The following CSMD1 variants were observed in gnomAD, a reference collection of about 807,000 sequenced individuals.
CSMD1 encodes the protein CUB and sushi domain-containing protein 1.
In CSMD1, 213 loss-of-function variants were observed where a neutral mutation model predicts 417.5. The observed-to-expected ratio is 0.51, with a 90% CI of 0.46 to 0.57. The LOEUF (loss-of-function observed/expected upper bound fraction) is 0.57, where lower values mean the gene tolerates loss of function less well. Ranked by LOEUF, CSMD1 falls within the 20% of genes least tolerant of loss-of-function variation. The pLI is 0.00. For synonymous variants in CSMD1, 2,862 were observed against 1,736.8 expected (o/e 1.65, Z -16.11); for missense variants, 6,923 against 4,529.7 (o/e 1.53, Z -15.17).
chr8:4,522,112 G>T (rs1056934192), intron 2 of CSMD1, among the ~76,000 whole-genome samples: 3 of 152,162 alleles, frequency 2.0e-5, no homozygotes, highest in African/African-American at 4.8e-5. Flanking sequence ...TGTGGGAGGA[G>T]CCTGGGGGGA....
intron 20 of CSMD1, among the ~76,000 whole-genome samples, chr8:3,365,385 T>C (rs1431638642): frequency 2.6e-5 from 4 of 152,182 alleles, no homozygotes; most frequent in Admixed American, 2.0e-4. Flanking sequence ...AAGAAATATT[T>C]TCCTTGAAGA....
rs946731266 is a variant in CSMD1, at chr8:4,842,884, T to A, written c.85+151448A>T. 2.0e-5 allele frequency among the ~76,000 whole-genome samples: 3 copies of A among 152,144 alleles called. No homozygotes were observed. The East Asian group carries it at 5.8e-4, about 29-fold the overall frequency. ...GCTTAAAGGCTTATCAATAGAACAA[T>A]GGAAACGTAGAATTGGAATAAATCT... On this transcript the variant is annotated intron_variant, in intron 1 of 69. Coordinates refer to ENST00000635120, the MANE Select transcript of CSMD1 (RefSeq NM_033225.6).
At chr8:3,763,506 C>T (rs185700530) in intron 5 of CSMD1, among the ~76,000 whole-genome samples, 1 of 152,184 alleles carries the variant, frequency 6.6e-6, no homozygotes, top group South Asian at 2.1e-4. Context: ...CCTGTGCCCA[C>T]TCTACCTTCT....
intron 6 of CSMD1, among the ~76,000 whole-genome samples, chr8:3,742,571 T>C (rs193104359): frequency 1.1e-3 from 167 of 152,218 alleles, no homozygotes; most frequent in African/African-American, 3.6e-3. Context: ...AAGTGACGCA[T>C]TGCCTCTGCC....
intron 1 of CSMD1, among the ~76,000 whole-genome samples, chr8:4,723,715 T>A (rs1413140361): frequency 7.0e-6 from 1 of 142,138 alleles, no homozygotes; most frequent in Admixed American, 7.3e-5. Flanking sequence ...CAGGTATACA[T>A]AAATAATAAT....
intron 3 of CSMD1, among the ~76,000 whole-genome samples, chr8:4,403,756 C>T (rs1804820611): frequency 6.6e-6 from 1 of 152,164 alleles, no homozygotes; most frequent in African/African-American, 2.4e-5. Context: ...CTGCTAGCAA[C>T]TCCACTTACG....
intron 11 of CSMD1, among the ~76,000 whole-genome samples, chr8:3,492,886 G>A (rs1002194926): frequency 5.3e-5 from 8 of 152,064 alleles, no homozygotes; most frequent in African/African-American, 1.9e-4. Flanking sequence ...AGTCTGGAAA[G>A]GTGTATGGCA....
chr8:3,363,902 G>A (rs750179703), intron 20 of CSMD1, among the ~76,000 whole-genome samples: 106 of 152,236 alleles, frequency 7.0e-4, no homozygotes, highest in Middle Eastern at 6.8e-3. Flanking sequence ...GGATTGTGCA[G>A]GTTTATCTAA....
At chr8:3,614,257 A>G (rs1802030079) in intron 8 of CSMD1, among the ~76,000 whole-genome samples, 1 of 152,116 alleles carries the variant, frequency 6.6e-6, no homozygotes, top group Admixed American at 6.6e-5. Flanking sequence ...ACAGATTGAA[A>G]TTCTCTTCTG....
At chr8:3,175,512 T>TGCC (rs1563111706) in intron 37 of CSMD1, among the ~76,000 whole-genome samples, 9 of 50,516 alleles carry the variant, frequency 1.8e-4, no homozygotes, top group South Asian at 8.8e-4. Flanking sequence ...TGCCTGCCTT[T>TGCC]TTTCCTTCCT....
At chr8:4,596,133 T>C (rs4875365) in intron 2 of CSMD1, among the ~76,000 whole-genome samples, 68,750 of 152,020 alleles carry the variant, frequency 0.45, 17,756 homozygotes, top group Non-Finnish European at 0.57. Flanking sequence ...TTCCAGTATC[T>C]AAAAAACTTG....
intron 32 of CSMD1, 83 bp from the exon 33 acceptor site, chr8:3,199,892 G>A: frequency 1.4e-6 from 1 of 736,876 alleles, no homozygotes. Flanking sequence ...TGATAAAGTT[G>A]AAATTTCACA....
intron 3 of CSMD1, among the ~76,000 whole-genome samples, chr8:4,415,506 T>C (rs76520290): frequency 0.032 from 4,847 of 152,302 alleles, 139 homozygotes; most frequent in African/African-American, 0.079. Context: ...GTAGACCTGC[T>C]CTTTCCCTTG....
At chr8:4,019,577 G>A (rs909493336) in intron 4 of CSMD1, among the ~76,000 whole-genome samples, 4 of 152,196 alleles carry the variant, frequency 2.6e-5, no homozygotes, top group East Asian at 3.9e-4. Context: ...TGTGTTTTAC[G>A]GTCTGCTCTT....
intron 4 of CSMD1, among the ~76,000 whole-genome samples, chr8:4,000,705 T>C (rs1468509655): frequency 6.6e-6 from 1 of 152,100 alleles, no homozygotes; most frequent in Non-Finnish European, 1.5e-5. Context: ...CACATTAATA[T>C]TTCCAGAGTA....
At chr8:4,463,616 C>G (rs1403187604) in intron 2 of CSMD1, among the ~76,000 whole-genome samples, 1 of 152,100 alleles carries the variant, frequency 6.6e-6, no homozygotes, top group East Asian at 1.9e-4. Flanking sequence ...CCTGACAAAC[C>G]TTGAAAACCT....
At position 3,150,765 on chromosome 8, in the gene CSMD1, G is replaced by A. The variant is rs574499053; in HGVS notation, c.6031+632C>T. Among the ~76,000 whole-genome samples the A allele has an allele frequency of 8.7e-4, 132 of 152,252 alleles. 1 individual carries two copies. Among genetic ancestry groups the A allele is most frequent in the South Asian group, 2.5e-3 (12 of 4,818 alleles). ...TACGAAGGAAACCAGGAGGCAGACA[G>A]GGAAAGGCGTGAGAGGGGATCAAAA... On this transcript the variant is annotated intron_variant, in intron 40 of 69. Coordinates refer to ENST00000635120, the MANE Select transcript of CSMD1 (RefSeq NM_033225.6).
At chr8:3,366,030 AT>A (rs1379947625) in intron 20 of CSMD1, among the ~76,000 whole-genome samples, 3 of 152,190 alleles carry the variant, frequency 2.0e-5, no homozygotes, top group African/African-American at 7.2e-5. Context: ...ATCAGAAGTT[AT>A]TAAGGAATTT....
intron 5 of CSMD1, among the ~76,000 whole-genome samples, chr8:3,842,901 T>C (rs948453643): frequency 3.9e-5 from 6 of 152,214 alleles, no homozygotes; most frequent in Admixed American, 2.0e-4. Context: ...CAAATAAAAA[T>C]ATAAAATTTT....
Sources: gnomAD v4.1 joint callset for allele counts (sites outside exome capture counted in the v4.1 genomes callset) on GRCh38, gnomAD v4.1.1 for gene constraint, MANE v1.5 for transcripts, NCBI Gene and HGNC (gene_info 2026-07-23, HGNC 2026-07-21) for gene names.